VTI1A: variants seen among roughly 807,000 people sequenced by gnomAD.
VTI1A encodes the protein vesicle transport through interaction with t-SNAREs 1A.
In VTI1A, 22 loss-of-function variants were observed where a neutral mutation model predicts 34.9. That is an observed-to-expected ratio of 0.63 (90% CI 0.45 to 0.90). The LOEUF (loss-of-function observed/expected upper bound fraction) is 0.90. Among genes scored for constraint, VTI1A ranks in the 40% least tolerant of loss-of-function variants. The pLI is 0.00. For missense variants in VTI1A, 268 were observed against 275.6 expected, an observed-to-expected ratio of 0.97 and a Z score of 0.20; for synonymous variants, 87 against 97.3, an observed-to-expected ratio of 0.89 and a Z score of 0.62.
intron 3 of VTI1A, among the ~76,000 whole-genome samples, chr10:112,482,067 T>C (rs960665349): frequency 6.6e-6 from 1 of 152,230 alleles, no homozygotes; most frequent in Non-Finnish European, 1.5e-5. Context: ...AGGAAATTAC[T>C]TTTAAAAACT....
chr10:112,478,839 C>G (rs1848367076), intron 3 of VTI1A, among the ~76,000 whole-genome samples: 1 of 151,512 alleles, frequency 6.6e-6, no homozygotes, highest in Admixed American at 6.6e-5. Flanking sequence ...CATTTCTTCC[C>G]TAGCTTCTAA....
intron 5 of VTI1A, among the ~76,000 whole-genome samples, chr10:112,659,946 A>G (rs1465697004): frequency 6.6e-6 from 1 of 152,246 alleles, no homozygotes; most frequent in Non-Finnish European, 1.5e-5. Flanking sequence ...AAATGGAAAC[A>G]ATATGATCTG....
intron 3 of VTI1A, among the ~76,000 whole-genome samples, chr10:112,523,529 C>A (rs1390853404): frequency 1.3e-5 from 2 of 152,030 alleles, no homozygotes; most frequent in African/African-American, 4.8e-5. Context: ...TACACAAACA[C>A]ACAATTAAAA....
intron 7 of VTI1A, among the ~76,000 whole-genome samples, chr10:112,751,475 TAAAAAA>T (rs11411829): frequency 9.9e-6 from 1 of 100,994 alleles, no homozygotes; most frequent in Non-Finnish European, 2.0e-5. Flanking sequence ...ATTAACTGTT[TAAAAAA>T]AAAAAAAAAA....
chr10:112,693,163 T>A (rs1192029237), intron 7 of VTI1A, among the ~76,000 whole-genome samples: 5 of 152,200 alleles, frequency 3.3e-5, no homozygotes. Context: ...CTCTTAAAAC[T>A]TTTTTCTTAA....
chr10:112,553,796 A>G (rs1851451732), intron 5 of VTI1A, among the ~76,000 whole-genome samples: 1 of 152,214 alleles, frequency 6.6e-6, no homozygotes, highest in African/African-American at 2.4e-5. Context: ...GGGACTGGGA[A>G]GTACAGTTCC....
chr10:112,829,369 G>A, the VTI1A span, among the ~76,000 whole-genome samples: 6 of 151,936 alleles, frequency 3.9e-5, no homozygotes, highest in African/African-American at 1.2e-4. Context: ...GCATGAACCC[G>A]GGAGGTGGAG....
rs1209916722 is a variant in VTI1A, at chr10:112,618,489, TTA to T, written c.428-49694_428-49693del. On this transcript the variant is annotated intron_variant, in intron 5 of 7. Coordinates refer to ENST00000393077, the MANE Select transcript of VTI1A (RefSeq NM_145206.4). ...ATAATGAAATATACAAATGATTATA[TTA>T]TATATATATATATATATATATATAT... Among the ~76,000 whole-genome samples, 677 of 74,292 alleles carry T rather than the reference TTA, an allele frequency of 9.1e-3. 4 individuals carry two copies. Among genetic ancestry groups the T allele is most frequent in the African/African-American group, 0.018 (275 of 15,010 alleles). 48.7% of individuals were successfully genotyped at this position (74,292 alleles called of 152,430 possible).
intron 3 of VTI1A, among the ~76,000 whole-genome samples, chr10:112,474,648 G>A (rs1425784519): frequency 1.3e-5 from 2 of 150,830 alleles, no homozygotes; most frequent in Non-Finnish European, 3.0e-5. Context: ...GTAGAGACAG[G>A]GTCTCCCTAT....
chr10:112,577,832 A>G (rs376189125), intron 5 of VTI1A, among the ~76,000 whole-genome samples: 1 of 152,240 alleles, frequency 6.6e-6, no homozygotes, highest in Non-Finnish European at 1.5e-5. Context: ...CCTTCCAGGC[A>G]GTGAAGAATT....
chr10:112,761,144 G>A (rs996636451), intron 7 of VTI1A, among the ~76,000 whole-genome samples: 1 of 152,068 alleles, frequency 6.6e-6, no homozygotes, highest in African/African-American at 2.4e-5. Context: ...TGAGGAATCC[G>A]CTGCTATTTA....
At chr10:112,574,309 C>A (rs1852253024) in intron 5 of VTI1A, among the ~76,000 whole-genome samples, 1 of 152,162 alleles carries the variant, frequency 6.6e-6, no homozygotes, top group South Asian at 2.1e-4. Context: ...TAGCTCAGAA[C>A]AAGTGATTGT....
chr10:112,603,754 C>T (rs943583538), intron 5 of VTI1A, among the ~76,000 whole-genome samples: 13 of 152,160 alleles, frequency 8.5e-5, no homozygotes, highest in African/African-American at 2.7e-4. Flanking sequence ...CCATCATCCA[C>T]CTTAGCAACC....
chr10:112,463,952 A>G (rs1480262832), intron 2 of VTI1A, among the ~76,000 whole-genome samples: 2 of 152,202 alleles, frequency 1.3e-5, no homozygotes, highest in Non-Finnish European at 1.5e-5. Context: ...GTATATTGAA[A>G]TCAAATTATT....
intron 7 of VTI1A, among the ~76,000 whole-genome samples, chr10:112,746,818 A>G (rs1170441469): frequency 2.0e-5 from 3 of 152,208 alleles, no homozygotes; most frequent in Non-Finnish European, 4.4e-5. Flanking sequence ...TTTTCCTACT[A>G]AACAAGTCAA....
chr10:112,847,990 A>G, the VTI1A span, among the ~76,000 whole-genome samples: 4 of 152,200 alleles, frequency 2.6e-5, no homozygotes, highest in Non-Finnish European at 2.9e-5. Context: ...AGCTAAGCCC[A>G]ATCCAAAATG....
intron 1 of VTI1A, among the ~76,000 whole-genome samples, chr10:112,453,864 G>A (rs2134017848): frequency 6.6e-6 from 1 of 152,206 alleles, no homozygotes; most frequent in African/African-American, 2.4e-5. Context: ...TGTTGCCTCT[G>A]GAACCTCTCA....
At chr10:112,813,180 G>A (rs1038028027) in intron 7 of VTI1A, among the ~76,000 whole-genome samples, 4 of 152,228 alleles carry the variant, frequency 2.6e-5, no homozygotes, top group South Asian at 2.1e-4. Context: ...GCACCAAGGA[G>A]GGGGTGAAGC....
At chr10:112,714,881 C>A (rs754337727) in intron 7 of VTI1A, among the ~76,000 whole-genome samples, 4 of 152,184 alleles carry the variant, frequency 2.6e-5, no homozygotes, top group Non-Finnish European at 4.4e-5. Flanking sequence ...TTATTATGAG[C>A]CAACCTTTTC....
Sources: allele counts gnomAD v4.1 joint callset (sites outside exome capture counted in the v4.1 genomes callset), GRCh38; gene constraint gnomAD v4.1.1; transcripts MANE v1.5; gene names NCBI Gene and HGNC (gene_info 2026-07-23, HGNC 2026-07-21).